KCNS3: variants seen among roughly 807,000 people sequenced by gnomAD.
The protein encoded by KCNS3 is delayed-rectifier potassium channel regulatory subunit KCNS3.
A neutral mutation model predicts 31.0 loss-of-function variants in KCNS3; 13 were observed. That is an observed-to-expected ratio of 0.42 (90% CI 0.27 to 0.67). The LOEUF (loss-of-function observed/expected upper bound fraction) is 0.67. KCNS3 is among the 30% of genes least tolerant of loss of function. The pLI, the probability that KCNS3 is intolerant of heterozygous loss-of-function variation, is 0.25. For missense variants in KCNS3, 545 were observed against 622.4 expected (o/e 0.88, Z 1.32); for synonymous variants, 238 against 241.5 (o/e 0.99, Z 0.13).
At chr2:17,895,324 T>G (rs1241307013) in intron 1 of KCNS3, among the ~76,000 whole-genome samples, 2 of 152,314 alleles carry the variant, frequency 1.3e-5, no homozygotes, top group East Asian at 3.9e-4. Flanking sequence ...TTATATAGCT[T>G]GGCAAAAACC....
intron 1 of KCNS3, among the ~76,000 whole-genome samples, chr2:17,906,521 C>G (rs1662320404): frequency 6.6e-6 from 1 of 152,116 alleles, no homozygotes; most frequent in Non-Finnish European, 1.5e-5. Context: ...TGTGTTTGCT[C>G]TTGCTTCTCT....
rs184981522 is a variant in KCNS3 at position 17,899,204 on chromosome 2, G to A, written c.-251-18476G>A. Among the ~76,000 whole-genome samples, 439 of 152,088 alleles carry A rather than the reference G, an allele frequency of 2.9e-3. 1 individual carries two copies. The highest frequency in any genetic ancestry group is 4.1e-3 in the Non-Finnish European group (276 of 67,986). On this transcript the variant is annotated intron_variant, in intron 1 of 2. Coordinates refer to ENST00000304101, the MANE Select transcript of KCNS3 (RefSeq NM_002252.5). ...TCCCACCACTGCACTCCAGCCTGGC[G>A]ACAGAGTGAGACTCTGTCTCAAAAA...
upstream of KCNS3, chr2:17,878,616 C>T (rs1219848028): frequency 6.7e-6 from 1 of 148,320 alleles, no homozygotes; most frequent in African/African-American, 2.4e-5. Context: ...CCGGCCCCGC[C>T]CCGCCCGCAG....
intron 2 of KCNS3, among the ~76,000 whole-genome samples, chr2:17,921,433 A>G (rs571485548): frequency 6.6e-6 from 1 of 152,250 alleles, no homozygotes; most frequent in South Asian, 2.1e-4. Context: ...ACATAATTAT[A>G]TTACTATTGG....
At chr2:17,921,911 G>GTATATATATATATATA (rs781288456) in intron 2 of KCNS3, among the ~76,000 whole-genome samples, 2 of 100,446 alleles carry the variant, frequency 2.0e-5, no homozygotes, top group East Asian at 2.6e-4. Context: ...ATGTGTGTGT[G>GTATATATATATATATA]TGTGTATATA....
chr2:17,899,739 T>C (rs1383131422), intron 1 of KCNS3, among the ~76,000 whole-genome samples: 2 of 152,244 alleles, frequency 1.3e-5, no homozygotes, highest in African/African-American at 4.8e-5. Context: ...AGTTATTTTG[T>C]AATGGACATT....
intron 1 of KCNS3, among the ~76,000 whole-genome samples, chr2:17,898,872 G>A (rs2125238628): frequency 6.6e-6 from 1 of 152,252 alleles, no homozygotes; most frequent in South Asian, 2.1e-4. Context: ...AGCATTTCCT[G>A]TGTACTTTCA....
intron 1 of KCNS3, among the ~76,000 whole-genome samples, chr2:17,902,407 A>G (rs1662199990): frequency 6.6e-6 from 1 of 151,918 alleles, no homozygotes; most frequent in South Asian, 2.1e-4. Context: ...ATGTCTATAT[A>G]AAGATGTATT....
intron 1 of KCNS3, among the ~76,000 whole-genome samples, chr2:17,886,205 A>G (rs768685190): frequency 3.3e-5 from 5 of 152,142 alleles, no homozygotes; most frequent in Admixed American, 6.5e-5. Flanking sequence ...ATGCTTATAT[A>G]TTTTTTACTT....
At chr2:17,904,033 A>G (rs1193665853) in intron 1 of KCNS3, among the ~76,000 whole-genome samples, 1 of 152,104 alleles carries the variant, frequency 6.6e-6, no homozygotes, top group African/African-American at 2.4e-5. Flanking sequence ...GAGTCGCCAC[A>G]CTGACTTCCA....
Position 17,931,290 on chromosome 2 carries a change from G to A in KCNS3, c.282G>A (p.Leu94=), listed in dbSNP as rs1308902226. ...YTGKLHVMEE[L]CVFSFCQEIE... ...GGAAGCTGCATGTCATGGAGGAGCT[G>A]TGCGTATTCTCATTCTGCCAGGAGA... Residue 94 remains leucine, a synonymous_variant, in exon 3 of 3, where the codon CTG becomes CTA. Transcript: ENST00000304101. The surrounding 1 kb of genome is among the most constrained non-coding windows in gnomAD (Gnocchi z 5.4). The A allele has an allele frequency of 1.2e-6, 2 of 1,614,164 alleles. No homozygotes were observed. Among genetic ancestry groups the A allele is most frequent in the Admixed American group, 1.7e-5 (1 of 60,024 alleles).
chr2:17,879,922 T>G (rs1198335808), intron 1 of KCNS3, among the ~76,000 whole-genome samples: 1 of 151,640 alleles, frequency 6.6e-6, no homozygotes, highest in Admixed American at 6.6e-5. Context: ...TGCCGGAGAG[T>G]AGCTTTGTGG....
intron 1 of KCNS3, among the ~76,000 whole-genome samples, chr2:17,904,696 G>T (rs1293223124): frequency 6.6e-6 from 1 of 152,128 alleles, no homozygotes; most frequent in Non-Finnish European, 1.5e-5. Context: ...AGTTTTCCCA[G>T]CACCATTTAT....
intron 2 of KCNS3, among the ~76,000 whole-genome samples, chr2:17,920,955 C>T (rs1161056120): frequency 6.6e-6 from 1 of 152,148 alleles, no homozygotes; most frequent in Non-Finnish European, 1.5e-5. Context: ...AGGTGGACAA[C>T]GTTGGGCAAA....
chr2:17,931,129 C>A lies in KCNS3; in HGVS notation c.121C>A (p.Leu41Met). The change falls in exon 3 of 3, where the codon CTG becomes ATG. Residue 41 changes from leucine to methionine, a missense_variant. Coordinates refer to ENST00000304101, the MANE Select transcript of KCNS3 (RefSeq NM_002252.5). This position sits in a 1 kb window ranked among gnomAD's most constrained non-coding sequence, Gnocchi z 5.4. ...CCTCCTGCGGTTTCCTCACACCAGA[C>A]TGGGGAAGCTGCTTACTTGCCATTC... ...STLLRFPHTR[L>M]GKLLTCHSEE... 1 of 1,614,204 alleles carries A rather than the reference C, an allele frequency of 6.2e-7. No individual in the cohort carries two copies. Among genetic ancestry groups the A allele is most frequent in the Non-Finnish European group, 8.5e-7 (1 of 1,180,032 alleles).
chr2:17,907,098 C>G (rs1395118097), intron 1 of KCNS3, among the ~76,000 whole-genome samples: 2 of 152,172 alleles, frequency 1.3e-5, no homozygotes, highest in Non-Finnish European at 2.9e-5. Flanking sequence ...GAGTCTAAGT[C>G]TCTTTGTAGA....
chr2:17,887,484 G>GATCTATCTATCT (rs55654719), intron 1 of KCNS3, among the ~76,000 whole-genome samples: 17,911 of 146,170 alleles, frequency 0.12, 1,130 homozygotes, highest in African/African-American at 0.14. Context: ...TCTATCATAT[G>GATCTATCTATCT]ATCTATCTAT....
At chr2:17,890,352 T>G (rs1302484727) in intron 1 of KCNS3, among the ~76,000 whole-genome samples, 1 of 152,022 alleles carries the variant, frequency 6.6e-6, no homozygotes, top group Admixed American at 6.6e-5. Flanking sequence ...CTACCAATTT[T>G]ATTTATCTTT....
At chr2:17,923,674 T>G (rs1662772366) in intron 2 of KCNS3, among the ~76,000 whole-genome samples, 1 of 152,022 alleles carries the variant, frequency 6.6e-6, no homozygotes, top group Admixed American at 6.6e-5. Context: ...CATATCCAAT[T>G]TAGATTTTTT....
Sources: allele counts gnomAD v4.1 joint callset (sites outside exome capture counted in the v4.1 genomes callset), GRCh38; gene constraint gnomAD v4.1.1; non-coding constraint Gnocchi (gnomAD v3.1); transcripts MANE v1.5; gene names NCBI Gene and HGNC (gene_info 2026-07-23, HGNC 2026-07-21).